Variants in VPS37A observed in about 807,000 individuals in gnomAD.
VPS37A encodes VPS37A subunit of ESCRT-I, also known as vacuolar protein sorting-associated protein 37A.
VPS37A carries 30 observed loss-of-function variants against 49.8 expected under a neutral mutation model. The ratio of observed to expected loss-of-function variants is 0.60; its 90% confidence interval spans 0.45 to 0.82. The LOEUF (loss-of-function observed/expected upper bound fraction) is 0.82. VPS37A is among the 40% of genes least tolerant of loss of function. The pLI is 0.00. For synonymous variants in VPS37A, 195 were observed against 160.6 expected (o/e 1.21, Z -1.62); for missense variants, 593 against 464.4 (o/e 1.28, Z -2.55).
At chr8:17,323,651 T>TG in the VPS37A span, among the ~76,000 whole-genome samples, 1 of 151,576 alleles carries the variant, frequency 6.6e-6, no homozygotes, top group Admixed American at 6.6e-5. Context: ...GCCGCAGGGG[T>TG]GGGGGGTCAT....
chr8:17,312,762 GAAGA>G, the VPS37A span, among the ~76,000 whole-genome samples: 1 of 152,008 alleles, frequency 6.6e-6, no homozygotes, highest in Non-Finnish European at 1.5e-5. Flanking sequence ...TGGCATCAGG[GAAGA>G]TATGGTTCTC....
At chr8:17,256,007 A>G (rs1032690140) in intron 1 of VPS37A, among the ~76,000 whole-genome samples, 2 of 152,002 alleles carry the variant, frequency 1.3e-5, no homozygotes, top group African/African-American at 4.8e-5. Flanking sequence ...GTGGGAGTGC[A>G]GCTATCTCTT....
At chr8:17,311,697 C>T in the VPS37A span, 1 of 1,609,052 alleles carries the variant, frequency 6.2e-7, no homozygotes. Context: ...CAGAACCTCT[C>T]ATCACAGCCA....
chr8:17,331,747 T>A, the VPS37A span, among the ~76,000 whole-genome samples: 1 of 152,188 alleles, frequency 6.6e-6, no homozygotes, highest in Non-Finnish European at 1.5e-5. Flanking sequence ...ATAGGAATGG[T>A]TGCATCATTC....
downstream of VPS37A, chr8:17,299,717 G>T: frequency 9.3e-7 from 1 of 1,080,920 alleles, no homozygotes. Flanking sequence ...TCAAGAACTG[G>T]GCACTTTTTT....
chr8:17,267,264 C>A (rs1280639355), intron 2 of VPS37A, among the ~76,000 whole-genome samples: 3 of 152,110 alleles, frequency 2.0e-5, no homozygotes, highest in Admixed American at 1.3e-4. Flanking sequence ...GAGAGGCCAA[C>A]AAGGACCCAG....
chr8:17,316,914 C>G, the VPS37A span, among the ~76,000 whole-genome samples: 1 of 152,146 alleles, frequency 6.6e-6, no homozygotes, highest in East Asian at 1.9e-4. Context: ...AGGGATGACT[C>G]TACTGCCAAA....
At chr8:17,309,095 C>G in the VPS37A span, among the ~76,000 whole-genome samples, 2 of 152,078 alleles carry the variant, frequency 1.3e-5, no homozygotes, top group African/African-American at 2.4e-5. Flanking sequence ...CCAACTGTTA[C>G]CAAAAGGAAT....
chr8:17,300,466 A>C (rs1817041534), downstream of VPS37A, among the ~76,000 whole-genome samples: 1 of 152,162 alleles, frequency 6.6e-6, no homozygotes, highest in Non-Finnish European at 1.5e-5. Context: ...TAAACAATAT[A>C]GCACAGTTGA....
intron 6 of VPS37A, among the ~76,000 whole-genome samples, chr8:17,279,437 G>C (rs533884777): frequency 6.6e-6 from 1 of 152,188 alleles, no homozygotes; most frequent in East Asian, 1.9e-4. Flanking sequence ...CCTTGTCTGT[G>C]AACTTGTACT....
chr8:17,285,705 C>T (rs575559187), intron 10 of VPS37A, among the ~76,000 whole-genome samples: 2 of 152,212 alleles, frequency 1.3e-5, no homozygotes, highest in African/African-American at 4.8e-5. Flanking sequence ...GTTAGTAAGG[C>T]ATTGATTTCT....
chr8:17,317,519 G>T, the VPS37A span, among the ~76,000 whole-genome samples: 4 of 148,178 alleles, frequency 2.7e-5, 1 homozygote, highest in Admixed American at 2.0e-4. Context: ...GCTTTGCCTG[G>T]TACTCCTGAT....
intron 1 of VPS37A, among the ~76,000 whole-genome samples, chr8:17,252,963 T>G (rs1812111540): frequency 6.6e-6 from 1 of 152,232 alleles, no homozygotes; most frequent in Non-Finnish European, 1.5e-5. Context: ...GTTAAAACTT[T>G]GACACATTAA....
chr8:17,250,130 T>C (rs531981147), intron 1 of VPS37A, among the ~76,000 whole-genome samples: 2 of 152,290 alleles, frequency 1.3e-5, no homozygotes, highest in South Asian at 4.1e-4. Flanking sequence ...TAGTTTGTAA[T>C]ATACCGCCCA....
chr8:17,324,176 T>C, the VPS37A span, among the ~76,000 whole-genome samples: 17 of 152,246 alleles, frequency 1.1e-4, no homozygotes, highest in Admixed American at 3.3e-4. Context: ...TAGGTCAAAA[T>C]TGGTTACTTC....
At chr8:17,266,738 A>G (rs539461843) in intron 2 of VPS37A, among the ~76,000 whole-genome samples, 3 of 152,312 alleles carry the variant, frequency 2.0e-5, no homozygotes, top group South Asian at 2.1e-4. Context: ...GCATGAATAT[A>G]TAAGTGCTGT....
chr8:17,289,995 CTGTT>C (rs1445560797), intron 11 of VPS37A, among the ~76,000 whole-genome samples: 1 of 152,058 alleles, frequency 6.6e-6, no homozygotes, highest in African/African-American at 2.4e-5. Context: ...CATGATTTGG[CTGTT>C]TGTCTATTAT....
downstream of VPS37A, among the ~76,000 whole-genome samples, chr8:17,304,746 C>CGTGTGTGTGTGTGTGT (rs10527892): frequency 0.027 from 3,984 of 147,008 alleles, 141 homozygotes; most frequent in African/African-American, 0.073. Context: ...GTGTTCGATT[C>CGTGTGTGTGTGTGTGT]GTGTGTGTGT....
At chr8:17,266,043 T>C in intron 2 of VPS37A, 62 bp downstream of exon 2, 1 of 1,426,998 alleles carries the variant, frequency 7.0e-7, no homozygotes, top group Non-Finnish European at 9.6e-7. Flanking sequence ...TTATTGTTTC[T>C]TAGTTATTAG....
Sources: allele counts gnomAD v4.1 joint callset (sites outside exome capture counted in the v4.1 genomes callset), GRCh38; gene constraint gnomAD v4.1.1; transcripts MANE v1.5; gene names NCBI Gene and HGNC (gene_info 2026-07-23, HGNC 2026-07-21).